Variants in ST8SIA6 observed in about 807,000 individuals in gnomAD.
The protein encoded by ST8SIA6 is ST8 alpha-N-acetyl-neuraminide alpha-2,8-sialyltransferase 6, also known as alpha-2,8-sialyltransferase 8F.
A neutral mutation model predicts 33.6 loss-of-function variants in ST8SIA6; 39 were observed. The ratio of observed to expected loss-of-function variants is 1.16; its 90% confidence interval spans 0.90 to 1.52. ST8SIA6 has a LOEUF of 1.52. Ranked by LOEUF, ST8SIA6 falls within the 40% of genes most tolerant of loss-of-function variation. The probability of loss-of-function intolerance (pLI) is 0.00; values close to 1 mark genes in which losing one functional copy is unlikely to be tolerated. For missense variants in ST8SIA6, 441 were observed against 443.8 expected, an observed-to-expected ratio of 0.99 and a Z score of 0.06; for synonymous variants, 172 against 167.2, an observed-to-expected ratio of 1.03 and a Z score of -0.22.
intron 2 of ST8SIA6, among the ~76,000 whole-genome samples, chr10:17,422,888 G>A (rs918763654): frequency 1.3e-5 from 2 of 152,144 alleles, no homozygotes; most frequent in Admixed American, 6.6e-5. Flanking sequence ...ATAGAGAAGC[G>A]AATGATAGAA....
Position 17,385,004 on chromosome 10 carries a change from T to A in ST8SIA6, c.290+5527A>T, listed in dbSNP as rs370801328. Among the ~76,000 whole-genome samples, 220 of 151,894 alleles carry A rather than the reference T, an allele frequency of 1.4e-3. 1 individual carries two copies. Among genetic ancestry groups the A allele is most frequent in the African/African-American group, 5.2e-3 (217 of 41,532 alleles). ...AAATCTGAAACCAGAGAGTCTGTTTTGTTTTTTGTTTGTTTGTTTGTTTTT... is the reference window on the plus strand; with the variant it reads ...AAATCTGAAACCAGAGAGTCTGTTTAGTTTTTTGTTTGTTTGTTTGTTTTT... On this transcript the variant is annotated intron_variant, in intron 3 of 7. Transcript: ENST00000377602.
At chr10:17,431,039 G>A (rs1852085837) in intron 2 of ST8SIA6, among the ~76,000 whole-genome samples, 1 of 152,186 alleles carries the variant, frequency 6.6e-6, no homozygotes, top group South Asian at 2.1e-4. Flanking sequence ...CTGAGCATGT[G>A]ACACTTATGG....
chr10:17,436,005 T>C (rs1477588406), intron 2 of ST8SIA6, among the ~76,000 whole-genome samples: 1 of 152,172 alleles, frequency 6.6e-6, no homozygotes, highest in East Asian at 1.9e-4. Flanking sequence ...TCAAAAATTA[T>C]CCACAAACCC....
At chr10:17,334,838 C>A (rs145755826) in intron 4 of ST8SIA6, among the ~76,000 whole-genome samples, 1 of 152,088 alleles carries the variant, frequency 6.6e-6, no homozygotes, top group East Asian at 1.9e-4. Context: ...AGTTAACCCC[C>A]AACCTCTGGC....
intron 4 of ST8SIA6, among the ~76,000 whole-genome samples, chr10:17,341,900 CAAAAAAAAAA>C (rs71393004): frequency 1.4e-5 from 1 of 73,164 alleles, no homozygotes; most frequent in Non-Finnish European, 2.4e-5. Flanking sequence ...GGCTCCATCT[CAAAAAAAAAA>C]AAAAAAAAAA....
At chr10:17,453,276 A>G (rs2131754427) in intron 2 of ST8SIA6, among the ~76,000 whole-genome samples, 1 of 151,830 alleles carries the variant, frequency 6.6e-6, no homozygotes, top group East Asian at 1.9e-4. Flanking sequence ...TGCTTTCAAC[A>G]CACCATTGTC....
intron 2 of ST8SIA6, chr10:17,409,533 G>A: frequency 6.6e-6 from 1 of 152,378 alleles, no homozygotes. Context: ...AGGAGTTCAA[G>A]ACCAGCTTGG....
intron 4 of ST8SIA6, among the ~76,000 whole-genome samples, chr10:17,354,491 TTG>T (rs1849132135): frequency 6.6e-6 from 1 of 152,186 alleles, no homozygotes; most frequent in Non-Finnish European, 1.5e-5. Flanking sequence ...ATTGTTGACT[TTG>T]TACTGCTACA....
chr10:17,317,107 C>T lies in ST8SIA6; in HGVS notation c.*3771G>A, dbSNP rs1246727248. ...TTCTTTTTAATCCATCGTTTTCATC[C>T]CTCTGGAGCCCAACTTTTTATATGG... On this transcript the variant is annotated 3_prime_UTR_variant, in exon 8 of 8. Coordinates refer to ENST00000377602, the MANE Select transcript of ST8SIA6 (RefSeq NM_001004470.3). 6.6e-6 allele frequency among the ~76,000 whole-genome samples: 1 copy of T among 152,070 alleles called. No homozygotes were observed. Among genetic ancestry groups the T allele is most frequent in the East Asian group, 1.9e-4 (1 of 5,202 alleles).
chr10:17,394,976 G>C (rs1462382237), intron 2 of ST8SIA6, among the ~76,000 whole-genome samples: 2 of 152,188 alleles, frequency 1.3e-5, no homozygotes, highest in African/African-American at 4.8e-5. Context: ...ACTGGGTGAT[G>C]TGGTTTGGCT....
intron 4 of ST8SIA6, among the ~76,000 whole-genome samples, chr10:17,357,473 A>G (rs985050613): frequency 6.6e-6 from 1 of 152,048 alleles, no homozygotes; most frequent in Non-Finnish European, 1.5e-5. Context: ...CCAGGGATTC[A>G]AAGTTGGCCT....
chr10:17,374,155 G>T (rs1317298920), intron 3 of ST8SIA6, among the ~76,000 whole-genome samples: 1 of 150,042 alleles, frequency 6.7e-6, no homozygotes, highest in African/African-American at 2.5e-5. Flanking sequence ...CTAACAGATT[G>T]CGTGACTTTG....
chr10:17,448,339 C>T (rs1465051562), intron 2 of ST8SIA6, among the ~76,000 whole-genome samples: 3 of 152,186 alleles, frequency 2.0e-5, no homozygotes, highest in Non-Finnish European at 4.4e-5. Flanking sequence ...CAAAGAATAA[C>T]AGCAGTTGCT....
rs17141138 is a variant in ST8SIA6 at position 17,447,459 on chromosome 10, A to G, written c.200+6100T>C. ...TCCTTAAAATACAAGGAAAGCTTTC[A>G]TGAACTACCAAAAAAAAAAGTGCCC... On this transcript the variant is annotated intron_variant, in intron 2 of 7. Transcript: ENST00000377602. Among the ~76,000 whole-genome samples the G allele has an allele frequency of 4.5e-3, 683 of 152,140 alleles. 4 individuals carry two copies. The highest frequency in any genetic ancestry group is 0.016 in the African/African-American group (652 of 41,480).
chr10:17,387,438 G>T (rs12782202), intron 3 of ST8SIA6, among the ~76,000 whole-genome samples: 1 of 125,994 alleles, frequency 7.9e-6, no homozygotes, highest in South Asian at 3.3e-4. Context: ...TTTAGTCGGG[G>T]CGGTGGGGCG....
intron 4 of ST8SIA6, among the ~76,000 whole-genome samples, chr10:17,348,622 A>T (rs1848926954): frequency 6.6e-6 from 1 of 152,138 alleles, no homozygotes; most frequent in South Asian, 2.1e-4. Context: ...AGGGGCCCTA[A>T]CTGCTCCCAG....
intron 3 of ST8SIA6, among the ~76,000 whole-genome samples, chr10:17,385,200 G>A (rs537843462): frequency 1.3e-5 from 2 of 152,248 alleles, no homozygotes; most frequent in Admixed American, 6.5e-5. Context: ...AGATAGATGC[G>A]TATCTGATGG....
intron 5 of ST8SIA6, 96 bp downstream of exon 5, chr10:17,331,312 T>A: frequency 2.1e-6 from 3 of 1,425,096 alleles, no homozygotes. Context: ...TATGGTATTT[T>A]AATTGAGTCC....
At chr10:17,330,638 T>A (rs2131584091) in intron 5 of ST8SIA6, among the ~76,000 whole-genome samples, 1 of 152,356 alleles carries the variant, frequency 6.6e-6, no homozygotes, top group Non-Finnish European at 1.5e-5. Flanking sequence ...TCTCATATCC[T>A]ACAGTTAGTA....
Sources: allele counts gnomAD v4.1 joint callset (sites outside exome capture counted in the v4.1 genomes callset), GRCh38; gene constraint gnomAD v4.1.1; transcripts MANE v1.5; gene names NCBI Gene and HGNC (gene_info 2026-07-23, HGNC 2026-07-21).